The following NTRK3 variants were observed in gnomAD, a reference collection of about 807,000 sequenced individuals.
NTRK3 encodes neurotrophic receptor tyrosine kinase 3, also known as NT-3 growth factor receptor.
NTRK3 carries 24 observed loss-of-function variants against 91.7 expected under a neutral mutation model. The ratio of observed to expected loss-of-function variants is 0.26; its 90% confidence interval spans 0.19 to 0.37. The LOEUF is 0.37. Ranked by LOEUF, NTRK3 falls within the 10% of genes least tolerant of loss-of-function variation. The pLI, the probability that NTRK3 is intolerant of heterozygous loss-of-function variation, is 1.00. For missense variants in NTRK3, 880 were observed against 1,068.9 expected (o/e 0.82, Z 2.46); for synonymous variants, 483 against 404.0 (o/e 1.20, Z -2.34).
intron 3 of NTRK3, among the ~76,000 whole-genome samples, chr15:88,193,308 C>A (rs1166273547): frequency 6.6e-6 from 1 of 152,128 alleles, no homozygotes; most frequent in Non-Finnish European, 1.5e-5. Flanking sequence ...CAGGGACAGG[C>A]ATGCTGGAGG....
intron 13 of NTRK3, among the ~76,000 whole-genome samples, chr15:88,075,992 G>A (rs1310851463): frequency 6.6e-6 from 1 of 152,208 alleles, no homozygotes. Context: ...CTAGACACTG[G>A]TTTTGATGGT....
chr15:88,238,029 G>T (rs2051964340), intron 3 of NTRK3, among the ~76,000 whole-genome samples: 1 of 152,032 alleles, frequency 6.6e-6, no homozygotes, highest in South Asian at 2.1e-4. Flanking sequence ...AAAATGACTG[G>T]TGTCCTTATA....
chr15:87,914,337 G>A (rs2067298324), intron 17 of NTRK3, among the ~76,000 whole-genome samples: 1 of 152,192 alleles, frequency 6.6e-6, no homozygotes, highest in African/African-American at 2.4e-5. Flanking sequence ...GATGTCAGAT[G>A]TCAGGGCCAT....
intron 13 of NTRK3, among the ~76,000 whole-genome samples, chr15:88,049,937 G>A (rs1365893649): frequency 2.0e-5 from 3 of 152,176 alleles, no homozygotes; most frequent in Non-Finnish European, 4.4e-5. Flanking sequence ...CACACACTTG[G>A]CATTGTGCTC....
At chr15:87,988,090 A>G (rs912304496) in intron 14 of NTRK3, among the ~76,000 whole-genome samples, 1 of 152,202 alleles carries the variant, frequency 6.6e-6, no homozygotes, top group African/African-American at 2.4e-5. Flanking sequence ...GAGAAAACTG[A>G]CAAACACCAT....
At chr15:87,927,585 C>T (rs550170544) in intron 17 of NTRK3, 2 of 152,288 alleles carry the variant, frequency 1.3e-5, no homozygotes, top group South Asian at 2.1e-4. Context: ...TATGTTGAAA[C>T]AGCCCCAAGG....
chr15:88,220,443 A>T (rs866893883), intron 3 of NTRK3, among the ~76,000 whole-genome samples: 1 of 152,220 alleles, frequency 6.6e-6, no homozygotes, highest in Middle Eastern at 3.4e-3. Context: ...GCAGGTACAG[A>T]TGGGAGTTCA....
intron 17 of NTRK3, among the ~76,000 whole-genome samples, chr15:87,913,887 A>T (rs2067265565): frequency 6.6e-6 from 1 of 152,180 alleles, no homozygotes; most frequent in Admixed American, 6.5e-5. Context: ...CAGATGAAGA[A>T]ATAATGTATC....
chr15:88,013,545 A>T (rs2077027118), intron 14 of NTRK3, among the ~76,000 whole-genome samples: 1 of 152,242 alleles, frequency 6.6e-6, no homozygotes, highest in Non-Finnish European at 1.5e-5. Flanking sequence ...AATTCCCTTT[A>T]TGATCTGACA....
intron 13 of NTRK3, among the ~76,000 whole-genome samples, chr15:88,097,136 G>A (rs895601061): frequency 6.6e-6 from 1 of 152,024 alleles, no homozygotes; most frequent in African/African-American, 2.4e-5. Flanking sequence ...TGATATATTG[G>A]GCTAAATAAA....
In NTRK3 at chr15:88,223,849, G is replaced by T. The variant is rs77278759; in HGVS notation, c.248+32057C>A. ...CGGCCCAGGGTAGAGGCTAGAAACC[G>T]AGGCAGTGCTCCAAAGGCAGAAGAA... On this transcript the variant is annotated intron_variant, in intron 3 of 18. Coordinates refer to ENST00000394480, the Ensembl canonical transcript of NTRK3. Among the ~76,000 whole-genome samples, 815 of 152,304 alleles carry T rather than the reference G, an allele frequency of 5.4e-3. 3 individuals are homozygous for T. The highest frequency in any genetic ancestry group is 8.3e-3 in the Non-Finnish European group (562 of 68,028).
intron 3 of NTRK3, among the ~76,000 whole-genome samples, chr15:88,220,097 A>C (rs2050115051): frequency 6.6e-6 from 1 of 152,234 alleles, no homozygotes; most frequent in South Asian, 2.1e-4. Context: ...AGGCATAATC[A>C]GCAGACTAAA....
At chr15:87,950,750 A>G (rs1425857510) in intron 14 of NTRK3, among the ~76,000 whole-genome samples, 1 of 152,204 alleles carries the variant, frequency 6.6e-6, no homozygotes, top group Non-Finnish European at 1.5e-5. Flanking sequence ...GCTAATGCCC[A>G]TAAAAGTTCG....
intron 14 of NTRK3, among the ~76,000 whole-genome samples, chr15:87,952,915 G>A (rs1243989350): frequency 6.6e-6 from 1 of 152,040 alleles, no homozygotes; most frequent in East Asian, 1.9e-4. Context: ...GGGGAACAAG[G>A]TCGGAGGCCA....
intron 13 of NTRK3, among the ~76,000 whole-genome samples, chr15:88,087,974 C>G (rs2048660762): frequency 6.6e-6 from 1 of 152,126 alleles, no homozygotes; most frequent in Non-Finnish European, 1.5e-5. Context: ...TTGCTTGAAC[C>G]CAGGAGGTAG....
At chr15:88,142,572 A>G (rs910993469) in intron 6 of NTRK3, among the ~76,000 whole-genome samples, 1 of 152,198 alleles carries the variant, frequency 6.6e-6, no homozygotes, top group Admixed American at 6.5e-5. Context: ...GGGGCCAGGC[A>G]GTGGAAAATG....
rs1034651173 is a variant in NTRK3, at chr15:88,038,194, T to G, written c.1397-5149A>C. On this transcript the variant is annotated intron_variant, in intron 13 of 18. Transcript: ENST00000394480. Reference sequence around the variant, plus strand: ...AGTCACCTCATTAGACTCACCCAGATAGATTACAGATAATTCATCATGTCT... The same window carrying G: ...AGTCACCTCATTAGACTCACCCAGAGAGATTACAGATAATTCATCATGTCT... Among the ~76,000 whole-genome samples the G allele has an allele frequency of 2.6e-5, 4 of 152,212 alleles. No homozygotes were observed. The South Asian group carries it at 8.3e-4, about 32-fold the overall frequency.
intron 6 of NTRK3, among the ~76,000 whole-genome samples, chr15:88,143,638 T>A (rs1267052131): frequency 6.6e-6 from 1 of 152,194 alleles, no homozygotes; most frequent in African/African-American, 2.4e-5. Context: ...ATAATATATG[T>A]TAGCATGATT....
At chr15:88,057,255 G>A (rs911554307) in intron 13 of NTRK3, among the ~76,000 whole-genome samples, 2 of 151,758 alleles carry the variant, frequency 1.3e-5, no homozygotes, top group African/African-American at 4.8e-5. Context: ...CTGGTGCTTT[G>A]GGAGGCCGAG....
Sources: gnomAD v4.1 joint callset for allele counts (sites outside exome capture counted in the v4.1 genomes callset) on GRCh38, gnomAD v4.1.1 for gene constraint, MANE v1.5 for transcripts, NCBI Gene and HGNC (gene_info 2026-07-23, HGNC 2026-07-21) for gene names.